PECR: variants seen among roughly 807,000 people sequenced by gnomAD.
PECR encodes the protein peroxisomal trans-2-enoyl-CoA reductase.
PECR carries 30 observed loss-of-function variants against 35.3 expected under a neutral mutation model. The ratio of observed to expected loss-of-function variants is 0.85; its 90% CI spans 0.64 to 1.15. PECR has a LOEUF of 1.15. PECR is among the 50% of genes most tolerant of loss of function. PECR has a pLI of 0.00. For missense variants in PECR, 392 were observed against 370.8 expected (o/e 1.06, Z -0.47); for synonymous variants, 148 against 138.9 (o/e 1.07, Z -0.46).
chr2:216,066,458 A>G lies in PECR; in HGVS notation c.185T>C (p.Leu62Pro). The change falls in exon 2 of 8, where the codon CTG (leucine) becomes CCG (proline). Residue 62 changes from leucine (L) to proline (P), a missense_variant. Physicochemically the swap from Leu to Pro is moderately conservative, Grantham distance 98. Transcript: ENST00000265322. Reference sequence around the variant, plus strand: ...CTTTGTGGGAGGTAGGTTGGCCTGCAGTTCATCTGCCGCAGACTTCAATCT... The same window carrying G: ...CTTTGTGGGAGGTAGGTTGGCCTGCGGTTCATCTGCCGCAGACTTCAATCT... ...LERLKSAADE[L>P]QANLPPTKQA... 1 of 1,613,654 alleles carries G rather than the reference A, an allele frequency of 6.2e-7. No homozygotes were observed. Among genetic ancestry groups the G allele is most frequent in the Non-Finnish European group, 8.5e-7 (1 of 1,179,500 alleles).
At chr2:216,032,726 A>C (rs1694728111) in intron 7 of PECR, 1 of 152,132 alleles carries the variant, frequency 6.6e-6, no homozygotes, top group African/African-American at 2.4e-5. Flanking sequence ...ACTCTTCCCC[A>C]TGTTACCCCC....
At chr2:216,043,437 G>C (rs1331445253) in intron 7 of PECR, among the ~76,000 whole-genome samples, 3 of 152,028 alleles carry the variant, frequency 2.0e-5, no homozygotes, top group African/African-American at 4.8e-5. Flanking sequence ...CATCAAAAAT[G>C]ATGAATACAG....
Position 216,044,019 on chromosome 2 carries a change from G to A in PECR, c.715-4C>T, listed in dbSNP as rs1482976783. 1 of 1,492,068 alleles carries A rather than the reference G, an allele frequency of 6.7e-7. No homozygotes were observed. The highest frequency in any genetic ancestry group is 9.4e-7 in the Non-Finnish European group (1 of 1,068,650). The allele number at this position is 1,492,068 out of a possible 1,614,324, so 92.4% of individuals were successfully genotyped here. A position where few individuals can be genotyped will look rare whatever the true frequency, so the allele number is the denominator to read the frequency against. On this transcript the variant is annotated splice_region_variant and splice_polypyrimidine_tract_variant and intron_variant, in intron 6 of 7. Coordinates refer to ENST00000265322, the MANE Select transcript of PECR (RefSeq NM_018441.6). Reference sequence around the variant, plus strand: ...GGAAGCAGACCACAGAGGAGACCTGGAAACAGAAACACACATGTGCATAGG... The same window carrying A: ...GGAAGCAGACCACAGAGGAGACCTGAAAACAGAAACACACATGTGCATAGG...
At chr2:216,068,225 C>CAAAAA (rs34646067) in intron 1 of PECR, among the ~76,000 whole-genome samples, 122 of 64,936 alleles carry the variant, frequency 1.9e-3, no homozygotes, top group Middle Eastern at 0.013. Flanking sequence ...GACTCCATAT[C>CAAAAA]AAAAAAAAAA....
At chr2:216,031,497 A>G (rs1384882149) in intron 7 of PECR, among the ~76,000 whole-genome samples, 6 of 114,792 alleles carry the variant, frequency 5.2e-5, no homozygotes, top group South Asian at 2.4e-4. Flanking sequence ...AAGAAAGAGA[A>G]AGAAAGAGAG....
intron 1 of PECR, 43 bp downstream of exon 1, chr2:216,081,575 G>T (rs753094562): frequency 6.2e-7 from 1 of 1,613,004 alleles, no homozygotes; most frequent in Non-Finnish European, 8.5e-7. Flanking sequence ...GTTACCCCAG[G>T]TCACCACAGC....
chr2:216,035,588 G>C (rs1196485539), downstream of PECR, among the ~76,000 whole-genome samples: 1 of 151,604 alleles, frequency 6.6e-6, no homozygotes, highest in Non-Finnish European at 1.5e-5. Flanking sequence ...TCAGGTTCAA[G>C]TGATTCTCCT....
chr2:216,056,468 C>G (rs1383172240), intron 4 of PECR, among the ~76,000 whole-genome samples: 1 of 152,006 alleles, frequency 6.6e-6, no homozygotes, highest in Non-Finnish European at 1.5e-5. Context: ...TGCCTGTAAT[C>G]CCAGCACTTT....
intron 7 of PECR, among the ~76,000 whole-genome samples, chr2:216,031,417 G>A (rs200969021): frequency 0.12 from 16,072 of 132,076 alleles, 1,178 homozygotes; most frequent in South Asian, 0.21. Context: ...AGGAAGAAAG[G>A]AAGAAAGAAA....
chr2:216,079,765 T>C (rs1466214808), intron 1 of PECR, among the ~76,000 whole-genome samples: 2 of 149,832 alleles, frequency 1.3e-5, no homozygotes, highest in Admixed American at 6.6e-5. Flanking sequence ...GCGGATCACC[T>C]GAGGTCGGGA....
chr2:216,070,840 G>A (rs1001231850), intron 1 of PECR, among the ~76,000 whole-genome samples: 3 of 152,140 alleles, frequency 2.0e-5, no homozygotes, highest in Admixed American at 6.5e-5. Context: ...AAACACTTGC[G>A]CCTGGGTCGT....
At chr2:216,073,170 C>T (rs1695619832) in intron 1 of PECR, among the ~76,000 whole-genome samples, 1 of 152,142 alleles carries the variant, frequency 6.6e-6, no homozygotes, top group South Asian at 2.1e-4. Flanking sequence ...GCAACAAAAA[C>T]ATACGTTATA....
chr2:216,051,779 G>A (rs747995832), intron 4 of PECR, among the ~76,000 whole-genome samples: 8 of 152,112 alleles, frequency 5.3e-5, no homozygotes, highest in Non-Finnish European at 1.2e-4. Context: ...ACCCAGATAA[G>A]GCTCCCCAAA....
chr2:216,031,668 AAAGAAAGAAAGAAAGAAAGAAAG>A (rs1559204061), intron 7 of PECR, among the ~76,000 whole-genome samples: 27 of 79,544 alleles, frequency 3.4e-4, no homozygotes, highest in African/African-American at 1.7e-3. Flanking sequence ...AGAAAGAAAG[AAAGAAAGAAAGAAAGAAAGAAAG>A]AGAAAGAAAG....
intron 4 of PECR, among the ~76,000 whole-genome samples, chr2:216,052,686 C>T (rs911490723): frequency 1.3e-5 from 2 of 152,066 alleles, no homozygotes; most frequent in Non-Finnish European, 2.9e-5. Context: ...GTACACTTTT[C>T]TTCATGTTTC....
Position 216,066,524 on chromosome 2 carries a change from G to A in PECR, c.125-6C>T. The A allele has an allele frequency of 6.2e-7, 1 of 1,613,660 alleles. No homozygotes were observed. The highest frequency in any genetic ancestry group is 1.3e-5 in the African/African-American group (1 of 74,994). ...TGCAATGACCACATTACTCCCTGAGGAGAAACAGCCAGAGAACAAATAAAT... is the reference window on the plus strand; with the variant it reads ...TGCAATGACCACATTACTCCCTGAGAAGAAACAGCCAGAGAACAAATAAAT... On this transcript the variant is annotated splice_region_variant and splice_polypyrimidine_tract_variant and intron_variant, in intron 1 of 7. Coordinates refer to ENST00000265322, the MANE Select transcript of PECR (RefSeq NM_018441.6).
intron 4 of PECR, 49 bp from the exon 5 acceptor site, chr2:216,051,594 T>A: frequency 1.7e-6 from 2 of 1,157,012 alleles, no homozygotes; most frequent in Non-Finnish European, 2.6e-6. Context: ...GTTGAATATT[T>A]CTCTTGTTCA....
downstream of PECR, among the ~76,000 whole-genome samples, chr2:216,037,919 T>C (rs79373504): frequency 2.4e-4 from 36 of 150,176 alleles, no homozygotes; most frequent in East Asian, 6.7e-3. Flanking sequence ...ACACCATCTC[T>C]ACTAAAAATA....
chr2:216,030,602 G>A (rs1694664540), intron 7 of PECR, among the ~76,000 whole-genome samples: 1 of 151,760 alleles, frequency 6.6e-6, no homozygotes, highest in Non-Finnish European at 1.5e-5. Flanking sequence ...GGAGTGTAGT[G>A]GCACAATCTC....
Sources: gnomAD v4.1 joint callset for allele counts (sites outside exome capture counted in the v4.1 genomes callset) on GRCh38, gnomAD v4.1.1 for gene constraint, MANE v1.5 for transcripts, NCBI Gene and HGNC (gene_info 2026-07-23, HGNC 2026-07-21) for gene names.